Variants in ZSWIM8 observed in about 807,000 individuals in gnomAD.
ZSWIM8 encodes zinc finger SWIM-type containing 8, also known as zinc finger SWIM domain-containing protein 8.
A neutral mutation model predicts 173.7 loss-of-function variants in ZSWIM8; 27 were observed. The observed-to-expected ratio is 0.16, with a 90% CI of 0.11 to 0.21. The LOEUF is 0.21. Ranked by LOEUF, ZSWIM8 falls within the 10% of genes least tolerant of loss-of-function variation. The pLI, the probability that ZSWIM8 is intolerant of heterozygous loss-of-function variation, is 1.00. For synonymous variants in ZSWIM8, 958 were observed against 962.0 expected (o/e 1.00, Z 0.08); for missense variants, 1,627 against 2,428.8 (o/e 0.67, Z 6.94).
At chr10:73,796,725 A>AG (rs1414075492) in intron 15 of ZSWIM8, 49 bp from the exon 16 acceptor site, 1 of 1,601,636 alleles carries the variant, frequency 6.2e-7, no homozygotes, top group Non-Finnish European at 8.5e-7. Flanking sequence ...CAGGAGCTAA[A>AG]GGGCATCCTG....
At chr10:73,799,979 G>A (rs773209695) in intron 21 of ZSWIM8, 32 bp from the exon 22 acceptor site, 2 of 1,604,590 alleles carry the variant, frequency 1.2e-6, no homozygotes, top group Non-Finnish European at 1.7e-6. Flanking sequence ...AATCAAGTTT[G>A]GCATCTTCCC....
chr10:73,799,586 C>CGGAGAGTCCTGGTGAGGT, intron 21 of ZSWIM8, 96 bp downstream of exon 21: 1 of 1,511,952 alleles, frequency 6.6e-7, no homozygotes. Flanking sequence ...ATTGGTCAGT[C>CGGAGAGTCCTGGTGAGGT]GGAGAGTCCT....
chr10:73,801,583 G>C lies in ZSWIM8; in HGVS notation c.*64G>C. On this transcript the variant is annotated 3_prime_UTR_variant, in exon 26 of 26. Coordinates refer to ENST00000604729, the MANE Select transcript of ZSWIM8 (RefSeq NM_001367799.1). The surrounding 1 kb of genome is among the most constrained non-coding windows in gnomAD (Gnocchi z 4.9). ...TGTGGCTATGGGGGCCCCTCACACAGGGGGAGTGAAACTTGGCTGGACAGA... is the reference window on the plus strand; with the variant it reads ...TGTGGCTATGGGGGCCCCTCACACACGGGGAGTGAAACTTGGCTGGACAGA... 6.3e-7 allele frequency: 1 copy of C among 1,579,576 alleles called. No individual in the cohort carries two copies. The highest frequency in any genetic ancestry group is 1.3e-5 in the African/African-American group (1 of 74,208).
chr10:73,786,335 T>G (rs962497256), intron 1 of ZSWIM8: 3 of 415,832 alleles, frequency 7.2e-6, no homozygotes, highest in South Asian at 7.8e-5. Context: ...TGGGTGTGTG[T>G]GTGTGTGTGT....
Position 73,789,211 on chromosome 10 carries a change from T to G in ZSWIM8, c.457+21T>G. 6.2e-7 allele frequency: 1 copy of G among 1,612,698 alleles called. No homozygotes were observed. The highest frequency in any genetic ancestry group is 1.1e-5 in the South Asian group (1 of 91,054). ...GATAGGTGAGTGGGCCATCATGCCA[T>G]GTGGCACATCCTGCTCCTCCCATCC... On this transcript the variant is annotated intron_variant, in intron 3 of 25. Transcript: ENST00000604729. The surrounding 1 kb of genome is among the most constrained non-coding windows in gnomAD (Gnocchi z 6.8).
rs1203113463 is a variant in ZSWIM8 at position 73,801,078 on chromosome 10, G to A, written c.5184G>A (p.Val1728=). The change falls in exon 25 of 26, where the codon GTG becomes GTA. Residue 1728 remains valine, a synonymous_variant. Coordinates refer to ENST00000604729, the MANE Select transcript of ZSWIM8 (RefSeq NM_001367799.1). This position sits in a 1 kb window ranked among gnomAD's most constrained non-coding sequence, Gnocchi z 4.9. ...GAAKGVLSPF[V]LQEIVMETLQ... is the part of the protein sequence containing the mutation. ...CCAAGGGGGTGCTGAGCCCGTTTGT[G>A]CTGCAGGAGATCGTCATGGAGACGC... 1.3e-6 allele frequency: 2 copies of A among 1,566,974 alleles called. No individual in the cohort carries two copies. The highest frequency in any genetic ancestry group is 1.7e-6 in the Non-Finnish European group (2 of 1,156,326).
In ZSWIM8 at chr10:73,791,429, G is replaced by A; in HGVS notation, c.1249G>A (p.Ala417Thr). 1 of 1,613,880 alleles carries A rather than the reference G, an allele frequency of 6.2e-7. No homozygotes were observed. The highest frequency in any genetic ancestry group is 1.1e-5 in the South Asian group (1 of 91,080). ...GQSEVAAHAC[A>T]SMCDEMVTLW... ...GTCAGAGGTGGCAGCCCATGCCTGTGCCAGCATGTGTGACGAGATGGTCAC... is the reference window on the plus strand; with the variant it reads ...GTCAGAGGTGGCAGCCCATGCCTGTACCAGCATGTGTGACGAGATGGTCAC... The change falls in exon 9 of 26, where the codon GCC becomes ACC. Residue 417 changes from alanine to threonine, a missense_variant. Ala to Thr is a moderately conservative substitution (Grantham distance 58, BLOSUM62 0). Transcript: ENST00000604729. The surrounding 1 kb of genome is among the most constrained non-coding windows in gnomAD (Gnocchi z 6.0).
chr10:73,787,726 G>A (rs1386085204), intron 1 of ZSWIM8, among the ~76,000 whole-genome samples: 7 of 152,162 alleles, frequency 4.6e-5, no homozygotes, highest in African/African-American at 1.2e-4. Context: ...GTTGGCACCC[G>A]CTTGTAATCT....
intron 15 of ZSWIM8, chr10:73,796,438 A>G (rs942191323): frequency 1.7e-5 from 7 of 419,466 alleles, no homozygotes; most frequent in Non-Finnish European, 3.1e-5. Flanking sequence ...CTCATAAAGA[A>G]TAAGAGAAGA....
Position 73,789,887 on chromosome 10 carries a change from T to C in ZSWIM8, c.738+63T>C. 1 of 1,587,584 alleles carries C rather than the reference T, an allele frequency of 6.3e-7. No homozygotes were observed. The highest frequency in any genetic ancestry group is 8.6e-7 in the Non-Finnish European group (1 of 1,165,528). On this transcript the variant is annotated intron_variant, in intron 5 of 25. Transcript: ENST00000604729. The surrounding 1 kb of genome is among the most constrained non-coding windows in gnomAD (Gnocchi z 6.8). ...GGGCCAGGCCGCATAACAGCCTTCC[T>C]GTTAGGCCCAGGCCTCCATGGGTTC...
At chr10:73,795,396 C>T (rs980447339) in intron 14 of ZSWIM8, 143 bp from the exon 15 acceptor site, 17 of 1,302,590 alleles carry the variant, frequency 1.3e-5, no homozygotes, top group South Asian at 7.5e-5. Flanking sequence ...TAATAGTCAA[C>T]GAAGACTTCT....
chr10:73,789,327 C>G lies in ZSWIM8; in HGVS notation c.458-40C>G. 1 of 1,558,908 alleles carries G rather than the reference C, an allele frequency of 6.4e-7. No homozygotes were observed. Among genetic ancestry groups the G allele is most frequent in the African/African-American group, 1.3e-5 (1 of 74,090 alleles). ...CAGGGTCAAGGGCAGAGACCCAGGTCCTGACAGCACTCCCTGACCATGCCC... is the reference window on the plus strand; with the variant it reads ...CAGGGTCAAGGGCAGAGACCCAGGTGCTGACAGCACTCCCTGACCATGCCC... On this transcript the variant is annotated intron_variant, in intron 3 of 25. Coordinates refer to ENST00000604729, the MANE Select transcript of ZSWIM8 (RefSeq NM_001367799.1). The surrounding 1 kb of genome is among the most constrained non-coding windows in gnomAD (Gnocchi z 6.8).
rs2083335029 is a variant in ZSWIM8, at chr10:73,789,337, C to T, written c.458-30C>T. 2 of 1,555,874 alleles carry T rather than the reference C, an allele frequency of 1.3e-6. No individual in the cohort carries two copies. Among genetic ancestry groups the T allele is most frequent in the Admixed American group, 1.8e-5 (1 of 54,070 alleles). On this transcript the variant is annotated intron_variant, in intron 3 of 25. Transcript: ENST00000604729. The surrounding 1 kb of genome is among the most constrained non-coding windows in gnomAD (Gnocchi z 6.8). ...GGCAGAGACCCAGGTCCTGACAGCA[C>T]TCCCTGACCATGCCCCCATTTCTCC...
In ZSWIM8 at chr10:73,792,426, C is replaced by T. The variant is rs200990810; in HGVS notation, c.1887C>T (p.Ala629=). 2.0e-5 allele frequency: 32 copies of T among 1,604,470 alleles called. No homozygotes were observed. The highest frequency in any genetic ancestry group is 2.6e-5 in the Non-Finnish European group (31 of 1,175,498). ...AEMSLDDSSL[A]LGAEASTFGG... is the part of the protein sequence containing the mutation. ...TGAGCCTGGATGACAGCAGCCTGGC[C>T]CTGGGCGCAGAGGCCAGCACCTTCG... The change falls in exon 10 of 26, where the codon GCC becomes GCT. Residue 629 remains alanine (A), a synonymous_variant. Coordinates refer to ENST00000604729, the MANE Select transcript of ZSWIM8 (RefSeq NM_001367799.1). The surrounding 1 kb of genome is among the most constrained non-coding windows in gnomAD (Gnocchi z 4.3).
Position 73,791,583 on chromosome 10 carries a change from A to T in ZSWIM8, c.1319+84A>T. 1 of 1,406,028 alleles carries T rather than the reference A, an allele frequency of 7.1e-7. No individual in the cohort carries two copies. Among genetic ancestry groups the T allele is most frequent in the Non-Finnish European group, 9.4e-7 (1 of 1,060,048 alleles). The allele number at this position is 1,406,028 out of a possible 1,614,324, so 87.1% of individuals were successfully genotyped here. On this transcript the variant is annotated intron_variant, in intron 9 of 25. Transcript: ENST00000604729. This position sits in a 1 kb window ranked among gnomAD's most constrained non-coding sequence, Gnocchi z 6.0. Reference sequence around the variant, plus strand: ...AGCCTTCATCTCCTTGTTTGCAGAGACATACCATGATTTTAGTCCTCGGGA... The same window carrying T: ...AGCCTTCATCTCCTTGTTTGCAGAGTCATACCATGATTTTAGTCCTCGGGA...
intron 2 of ZSWIM8, 72 bp downstream of exon 2, chr10:73,788,895 A>T: frequency 6.3e-7 from 1 of 1,580,620 alleles, no homozygotes; most frequent in South Asian, 1.1e-5. Flanking sequence ...TTCCCATAGA[A>T]CAAAGGAGAC....
intron 15 of ZSWIM8, 70 bp from the exon 16 acceptor site, chr10:73,796,704 G>A: frequency 6.3e-7 from 1 of 1,580,814 alleles, no homozygotes; most frequent in Non-Finnish European, 8.6e-7. Context: ...AGAAAGGAAG[G>A]TAATAGAAGT....
Position 73,794,265 on chromosome 10 carries a change from G to A in ZSWIM8, c.2744G>A (p.Cys915Tyr). Residue 915 changes from cysteine (C) to tyrosine (Y), a missense_variant, in exon 13 of 26, where the codon TGT becomes TAT. Cys to Tyr is a radical substitution (Grantham distance 194). This residue lies in a region of ZSWIM8 where 169 missense variants were observed against 235.3 expected (regional missense o/e 0.72). Coordinates refer to ENST00000604729, the MANE Select transcript of ZSWIM8 (RefSeq NM_001367799.1). ...GAGGAACTTCGGGAGGGGACACTCT[G>A]TGACTATCGGCCTGTGTTGCCTCTC... ...RAEELREGTL[C>Y]DYRPVLPLML... is the part of the protein sequence containing the mutation. The A allele has an allele frequency of 6.2e-7, 1 of 1,614,040 alleles. No individual in the cohort carries two copies. The highest frequency in any genetic ancestry group is 8.5e-7 in the Non-Finnish European group (1 of 1,179,900).
Position 73,792,052 on chromosome 10 carries a change from G to A in ZSWIM8, c.1513G>A (p.Ala505Thr). Residue 505 changes from alanine (A) to threonine (T), a missense_variant, in exon 10 of 26, where the codon GCA becomes ACA. By Grantham distance (58) the Ala-to-Thr change is moderately conservative. Coordinates refer to ENST00000604729, the MANE Select transcript of ZSWIM8 (RefSeq NM_001367799.1). The surrounding 1 kb of genome is among the most constrained non-coding windows in gnomAD (Gnocchi z 4.3). ...CTACAGCGGCACTGACAGGAAGCTG[G>A]CACTGTGCTGGGCCCGGGCCCTGCC... Reference protein sequence around the residue: ...VTYSGTDRKLALCWARALPSR... With the variant: ...VTYSGTDRKLTLCWARALPSR... 8 of 1,546,858 alleles carry A rather than the reference G, an allele frequency of 5.2e-6. No homozygotes were observed. Among genetic ancestry groups the A allele is most frequent in the Non-Finnish European group, 7.0e-6 (8 of 1,143,726 alleles).
Sources: allele counts gnomAD v4.1 joint callset (sites outside exome capture counted in the v4.1 genomes callset), GRCh38; gene constraint gnomAD v4.1.1; regional missense constraint gnomAD v4.1.1; non-coding constraint Gnocchi (gnomAD v3.1); transcripts MANE v1.5; gene names NCBI Gene and HGNC (gene_info 2026-07-23, HGNC 2026-07-21).